The following DNAJC5 variants were observed in gnomAD, a reference collection of about 807,000 sequenced individuals.
DNAJC5 encodes dnaJ homolog subfamily C member 5.
In DNAJC5, 1 loss-of-function variant was observed where a neutral mutation model predicts 23.2. The observed-to-expected ratio is 0.04, with a 90% CI of 0.02 to 0.20. The LOEUF (loss-of-function observed/expected upper bound fraction) is 0.20, where lower values mean the gene tolerates loss of function less well. DNAJC5 is among the 10% of genes least tolerant of loss of function. The pLI, the probability that DNAJC5 is intolerant of heterozygous loss-of-function variation, is 1.00. For synonymous variants in DNAJC5, 136 were observed against 120.0 expected (o/e 1.13, Z -0.87); for missense variants, 180 against 267.0 (o/e 0.67, Z 2.27).
Position 63,929,760 on chromosome 20 carries a change from G to T in DNAJC5, c.321+235G>T, listed in dbSNP as rs2053650058. On this transcript the variant is annotated intron_variant, in intron 3 of 4. Transcript: ENST00000360864. This position sits in a 1 kb window ranked among gnomAD's most constrained non-coding sequence, Gnocchi z 8.6. ...CACCCGAGTCTCTCCTGCCATGTGGGCACCCGGGTCACTCCACGCCTGCAG... is the reference window on the plus strand; with the variant it reads ...CACCCGAGTCTCTCCTGCCATGTGGTCACCCGGGTCACTCCACGCCTGCAG... Among the ~76,000 whole-genome samples the T allele has an allele frequency of 6.6e-6, 1 of 152,224 alleles. No homozygotes were observed. Among genetic ancestry groups the T allele is most frequent in the Non-Finnish European group, 1.5e-5 (1 of 68,042 alleles).
At chr20:63,900,142 G>T (rs2146269625) in intron 1 of DNAJC5, among the ~76,000 whole-genome samples, 1 of 151,996 alleles carries the variant, frequency 6.6e-6, no homozygotes, top group East Asian at 2.0e-4. Flanking sequence ...ACCCACTTTG[G>T]CCTCCCAAAG....
In DNAJC5 at chr20:63,931,502, C is replaced by T. The variant is rs376694698; in HGVS notation, c.531C>T (p.Ser177=). ...CGCCGATCGTCATACAGCCGGCATC[C>T]GCCACCGAGACCACCCAGCTCACAG... The part of the protein sequence containing the change: ...TDTPIVIQPA[S]ATETTQLTAD... The change falls in exon 5 of 5, where the codon TCC becomes TCT. Residue 177 remains serine (S), a synonymous_variant. Transcript: ENST00000360864. The surrounding 1 kb of genome is among the most constrained non-coding windows in gnomAD (Gnocchi z 9.6). 87 of 1,579,864 alleles carry T rather than the reference C, an allele frequency of 5.5e-5. No homozygotes were observed. The highest frequency in any genetic ancestry group is 3.5e-4 in the African/African-American group (26 of 73,982).
Position 63,928,386 on chromosome 20 carries a change from A to C in DNAJC5, c.41A>C (p.Glu14Ala). 6.2e-7 allele frequency: 1 copy of C among 1,614,068 alleles called. No individual in the cohort carries two copies. The highest frequency in any genetic ancestry group is 8.5e-7 in the Non-Finnish European group (1 of 1,180,034). Residue 14 changes from glutamate (E) to alanine (A), a missense_variant, in exon 2 of 5, where the codon GAG (glutamate) becomes GCG (alanine). Physicochemically the swap from Glu to Ala is moderately radical, Grantham distance 107. Transcript: ENST00000360864. This position sits in a 1 kb window ranked among gnomAD's most constrained non-coding sequence, Gnocchi z 4.6. ...QRQRSLSTSG[E>A]SLYHVLGLDK... is the part of the protein sequence containing the mutation. ...CAGCGCTCACTGTCTACCTCTGGGG[A>C]GTCATTGTACCACGTCCTTGGGTTG...
Position 63,931,338 on chromosome 20 carries a change from G to A in DNAJC5, c.494-127G>A, listed in dbSNP as rs747364397. The A allele has an allele frequency of 2.1e-4, 201 of 964,244 alleles. No individual in the cohort carries two copies. Among genetic ancestry groups the A allele is most frequent in the Non-Finnish European group, 3.0e-4 (187 of 628,076 alleles). The allele number at this position is 964,244 out of a possible 1,614,324, so 59.7% of individuals were successfully genotyped here. A position where few individuals can be genotyped will look rare whatever the true frequency, so the allele number is the denominator to read the frequency against. On this transcript the variant is annotated intron_variant, in intron 4 of 4. Transcript: ENST00000360864. This position sits in a 1 kb window ranked among gnomAD's most constrained non-coding sequence, Gnocchi z 9.6. Reference sequence around the variant, plus strand: ...CGACGGAGGAAAGCCGTGTGGGGTGGAGGTCAGCGAGTAGCCTCTCCCGGT... The same window carrying A: ...CGACGGAGGAAAGCCGTGTGGGGTGAAGGTCAGCGAGTAGCCTCTCCCGGT...
Position 63,932,344 on chromosome 20 carries a change from C to G in DNAJC5, c.*776C>G, listed in dbSNP as rs527952182. The G allele has an allele frequency of 6.6e-6, 1 of 152,566 alleles. No individual in the cohort carries two copies. Among genetic ancestry groups the G allele is most frequent in the Non-Finnish European group, 1.5e-5 (1 of 68,112 alleles). 9.5% of individuals were successfully genotyped at this position (152,566 alleles called of 1,614,324 possible). A position where few individuals can be genotyped will look rare whatever the true frequency, so the allele number is the denominator to read the frequency against. On this transcript the variant is annotated 3_prime_UTR_variant, in exon 5 of 5. Transcript: ENST00000360864. The surrounding 1 kb of genome is among the most constrained non-coding windows in gnomAD (Gnocchi z 4.4). ...TTCTGGTTCTCGGAGGTGTGTCCTT[C>G]GCCGTGTTGGGGTTATTTGTCTGTG...
chr20:63,901,619 C>T (rs138799403), intron 1 of DNAJC5, among the ~76,000 whole-genome samples: 3 of 152,354 alleles, frequency 2.0e-5, no homozygotes, highest in African/African-American at 2.4e-5. Context: ...AGGTGCCTGA[C>T]GGGAGGAGTG....
chr20:63,902,182 GTAGC>G (rs1446826774), intron 1 of DNAJC5, among the ~76,000 whole-genome samples: 1 of 151,782 alleles, frequency 6.6e-6, no homozygotes, highest in East Asian at 1.9e-4. Flanking sequence ...AGCCTCCCGA[GTAGC>G]TGGGACTACA....
chr20:63,912,257 T>C (rs190447393), intron 1 of DNAJC5, among the ~76,000 whole-genome samples: 1 of 147,060 alleles, frequency 6.8e-6, no homozygotes, highest in African/African-American at 2.5e-5. Context: ...GAGCTGAAAG[T>C]GCACTACTGC....
chr20:63,919,239 G>A (rs574798106), intron 1 of DNAJC5, among the ~76,000 whole-genome samples: 4 of 152,346 alleles, frequency 2.6e-5, no homozygotes, highest in South Asian at 4.1e-4. Context: ...TGCCGCAGGC[G>A]GAGATTTTTG....
chr20:63,902,672 CTTGT>C (rs1317329614), intron 1 of DNAJC5, among the ~76,000 whole-genome samples: 1 of 106,800 alleles, frequency 9.4e-6, no homozygotes, highest in African/African-American at 3.2e-5. Context: ...CTGGCCTCAT[CTTGT>C]TTTTTTTTTT....
chr20:63,928,611 G>A lies in DNAJC5; in HGVS notation c.107+159G>A, dbSNP rs817362. Among the ~76,000 whole-genome samples the A allele has an allele frequency of 0.93, 142,208 of 152,308 alleles. 66,557 individuals carry two copies. Among genetic ancestry groups the A allele is most frequent in the East Asian group, 1 (5,183 of 5,186 alleles). ...GGTAACACCTTTGTATGTGTAATGTGCTCCTTATAGCTTAAAGTTATGGTA... is the reference window on the plus strand; with the variant it reads ...GGTAACACCTTTGTATGTGTAATGTACTCCTTATAGCTTAAAGTTATGGTA... On this transcript the variant is annotated intron_variant, in intron 2 of 4. Coordinates refer to ENST00000360864, the MANE Select transcript of DNAJC5 (RefSeq NM_025219.3). The surrounding 1 kb of genome is among the most constrained non-coding windows in gnomAD (Gnocchi z 4.6).
intron 1 of DNAJC5, among the ~76,000 whole-genome samples, chr20:63,906,536 G>A (rs1046407876): frequency 6.6e-6 from 1 of 151,964 alleles, no homozygotes; most frequent in Admixed American, 6.6e-5. Flanking sequence ...TGTAATCCCA[G>A]CATTTTGGGA....
chr20:63,906,560 A>G (rs937860334), intron 1 of DNAJC5, among the ~76,000 whole-genome samples: 13 of 152,036 alleles, frequency 8.6e-5, no homozygotes, highest in African/African-American at 3.1e-4. Context: ...CGAGACGGGC[A>G]GATCATGAGG....
intron 1 of DNAJC5, among the ~76,000 whole-genome samples, chr20:63,909,703 A>T (rs537702805): frequency 6.6e-6 from 1 of 152,258 alleles, no homozygotes; most frequent in East Asian, 1.9e-4. Context: ...AGAAAGAAAA[A>T]AGTCTTCCCC....
intron 1 of DNAJC5, among the ~76,000 whole-genome samples, chr20:63,919,210 G>A (rs1354454584): frequency 1.3e-5 from 2 of 152,238 alleles, no homozygotes; most frequent in Admixed American, 6.5e-5. Context: ...GAGGAGCAGG[G>A]ACCTGCTAAA....
intron 1 of DNAJC5, among the ~76,000 whole-genome samples, chr20:63,916,056 C>T (rs2427549): frequency 0.34 from 52,295 of 152,020 alleles, 10,738 homozygotes; most frequent in East Asian, 0.81. Context: ...GCCTCAGCCT[C>T]CCAAGTAGCT....
chr20:63,928,260 A>G lies in DNAJC5; in HGVS notation c.-11-75A>G. The G allele has an allele frequency of 8.1e-7, 1 of 1,233,172 alleles. No individual in the cohort carries two copies. The highest frequency in any genetic ancestry group is 1.2e-6 in the Non-Finnish European group (1 of 849,284). The allele number at this position is 1,233,172 out of a possible 1,614,324, so 76.4% of individuals were successfully genotyped here. On this transcript the variant is annotated intron_variant, in intron 1 of 4. Coordinates refer to ENST00000360864, the MANE Select transcript of DNAJC5 (RefSeq NM_025219.3). This position sits in a 1 kb window ranked among gnomAD's most constrained non-coding sequence, Gnocchi z 4.6. ...TCTTTTGCTTTGAACGGTCTTATGG[A>G]ATAAAGTCCATCAGCTCTGCCCTTG...
chr20:63,912,300 C>T (rs1465801882), intron 1 of DNAJC5, among the ~76,000 whole-genome samples: 7 of 144,932 alleles, frequency 4.8e-5, no homozygotes, highest in Admixed American at 3.4e-4. Flanking sequence ...GAGAATCGGT[C>T]TCCAAAAAAA....
rs1182760956 is a variant in DNAJC5, at chr20:63,929,161, C to A, written c.108-151C>A. 16 of 917,382 alleles carry A rather than the reference C, an allele frequency of 1.7e-5. No homozygotes were observed. The highest frequency in any genetic ancestry group is 1.5e-5 in the Non-Finnish European group (9 of 581,182). The allele number at this position is 917,382 out of a possible 1,614,324, so 56.8% of individuals were successfully genotyped here. On this transcript the variant is annotated intron_variant, in intron 2 of 4. Transcript: ENST00000360864. This position sits in a 1 kb window ranked among gnomAD's most constrained non-coding sequence, Gnocchi z 8.6. ...CGCGGAGCTTGCTTTTGTCCCTGGC[C>A]CCTGCAGCCCTGGAGAGTCGGACAG...
Sources: gnomAD v4.1 joint callset for allele counts (sites outside exome capture counted in the v4.1 genomes callset) on GRCh38, gnomAD v4.1.1 for gene constraint, Gnocchi (gnomAD v3.1) non-coding constraint, MANE v1.5 for transcripts, NCBI Gene and HGNC (gene_info 2026-07-23, HGNC 2026-07-21) for gene names.